The following LRSAM1 variants were observed in gnomAD, a reference collection of about 807,000 sequenced individuals.
The protein encoded by LRSAM1 is leucine rich repeat and sterile alpha motif containing 1.
Under a neutral mutation model 118.1 loss-of-function variants are expected in LRSAM1, and 96 were observed. The ratio of observed to expected loss-of-function variants is 0.81; its 90% CI spans 0.69 to 0.96. The LOEUF is 0.96. LRSAM1 is among the 40% of genes least tolerant of loss of function. The pLI, the probability that LRSAM1 is intolerant of heterozygous loss-of-function variation, is 0.00. For missense variants in LRSAM1, 804 were observed against 915.5 expected (o/e 0.88, Z 1.57); for synonymous variants, 322 against 364.2 (o/e 0.88, Z 1.32).
intron 11 of LRSAM1, among the ~76,000 whole-genome samples, 164 bp downstream of exon 11, chr9:127,474,095 C>G (rs1046212638): frequency 2.0e-5 from 3 of 152,136 alleles, no homozygotes; most frequent in African/African-American, 4.8e-5. Context: ...ACTGCTTTTT[C>G]AAGGCCTGCT....
intron 24 of LRSAM1, 143 bp from the exon 25 acceptor site, chr9:127,500,867 A>G: frequency 9.1e-7 from 1 of 1,093,218 alleles, no homozygotes; most frequent in Non-Finnish European, 1.4e-6. Context: ...TGGCAAGGAG[A>G]GCACTTCCCT....
intron 17 of LRSAM1, among the ~76,000 whole-genome samples, chr9:127,486,036 G>GT (rs1835717450): frequency 6.6e-6 from 1 of 152,256 alleles, no homozygotes; most frequent in South Asian, 2.1e-4. Context: ...TGTTAAAGTG[G>GT]TAACAGTCAT....
intron 2 of LRSAM1, chr9:127,454,019 G>A: frequency 3.7e-6 from 1 of 272,792 alleles, no homozygotes; most frequent in Non-Finnish European, 7.2e-6. Context: ...TCACTAGAAA[G>A]ACACAGCCCC....
chr9:127,497,131 G>C (rs1050275471), intron 23 of LRSAM1, 122 bp from the exon 24 acceptor site: 51 of 996,232 alleles, frequency 5.1e-5, no homozygotes, highest in Non-Finnish European at 6.2e-5. Context: ...GCCCCGGAAG[G>C]CTTCCACATT....
intron 16 of LRSAM1, among the ~76,000 whole-genome samples, chr9:127,484,068 A>G (rs2132075873): frequency 6.6e-6 from 1 of 152,182 alleles, no homozygotes; most frequent in South Asian, 2.1e-4. Context: ...TCCCTAGTAA[A>G]CACTAACTCC....
At chr9:127,499,574 T>C (rs867527383) in intron 24 of LRSAM1, among the ~76,000 whole-genome samples, 2 of 150,550 alleles carry the variant, frequency 1.3e-5, no homozygotes, top group Admixed American at 6.6e-5. Flanking sequence ...CCCCTCGAAA[T>C]GGTGGTTTGG....
At chr9:127,453,261 T>C (rs1337468020) in intron 2 of LRSAM1, among the ~76,000 whole-genome samples, 1 of 152,116 alleles carries the variant, frequency 6.6e-6, no homozygotes, top group African/African-American at 2.4e-5. Flanking sequence ...TGTGTATTTT[T>C]AGTAGAGACG....
In LRSAM1 at chr9:127,479,423, T is replaced by C. The variant is rs1160703093; in HGVS notation, c.821T>C (p.Leu274Pro). ...GAGAAACTCGAGTTTGAACGGCGCC[T>C]GGAACTGGGGCAGCGGGAGCACACC... ...MLEKLEFERR[L>P]ELGQREHTQL... Residue 274 changes from leucine (L) to proline (P), a missense_variant, in exon 13 of 26, where the codon CTG becomes CCG. Coordinates refer to ENST00000300417, the MANE Select transcript of LRSAM1 (RefSeq NM_001005373.4). 1 of 1,614,024 alleles carries C rather than the reference T, an allele frequency of 6.2e-7. No individual in the cohort carries two copies. The highest frequency in any genetic ancestry group is 1.3e-5 in the African/African-American group (1 of 74,912).
chr9:127,479,935 A>G lies in LRSAM1; in HGVS notation c.1000A>G (p.Asn334Asp). The change falls in exon 14 of 26, where the codon AAC (asparagine) becomes GAC (aspartate). Residue 334 changes from asparagine to aspartate, a missense_variant. Coordinates refer to ENST00000300417, the MANE Select transcript of LRSAM1 (RefSeq NM_001005373.4). ...LQEQLKQTEQ[N>D]ISSRIQKLLQ... is the part of the protein sequence containing the mutation. ...GGAGCAGCTGAAGCAGACGGAACAG[A>G]ACATTTCCAGCCGGATCCAGAAGCT... The G allele has an allele frequency of 1.2e-6, 2 of 1,614,164 alleles. No homozygotes were observed. Among genetic ancestry groups the G allele is most frequent in the Non-Finnish European group, 1.7e-6 (2 of 1,180,028 alleles).
chr9:127,479,702 TG>T, intron 13 of LRSAM1, 136 bp from the exon 14 acceptor site: 2 of 1,351,880 alleles, frequency 1.5e-6, no homozygotes, highest in Non-Finnish European at 2.0e-6. Context: ...TGTAGCCTAC[TG>T]GGAGGAGCTG....
intron 24 of LRSAM1, among the ~76,000 whole-genome samples, chr9:127,498,602 G>T (rs960749439): frequency 1.3e-5 from 2 of 152,236 alleles, no homozygotes; most frequent in Admixed American, 1.3e-4. Flanking sequence ...GTGGCCACAT[G>T]CAGAAAACGG....
chr9:127,500,387 T>G (rs977668978), intron 24 of LRSAM1, among the ~76,000 whole-genome samples: 5 of 131,412 alleles, frequency 3.8e-5, no homozygotes, highest in Non-Finnish European at 6.8e-5. Flanking sequence ...AGACTTAGCA[T>G]TTTGTAAGGG....
intron 10 of LRSAM1, among the ~76,000 whole-genome samples, chr9:127,468,414 C>G (rs1835038653): frequency 6.6e-6 from 1 of 152,152 alleles, no homozygotes; most frequent in South Asian, 2.1e-4. Context: ...AAACCCGGAG[C>G]CAGCACTGGC....
chr9:127,471,677 C>T (rs111988501), intron 10 of LRSAM1, among the ~76,000 whole-genome samples: 63,406 of 149,836 alleles, frequency 0.42, 14,521 homozygotes, highest in Non-Finnish European at 0.49. Context: ...ATCCCAGCTA[C>T]TCAGGAGGCT....
At chr9:127,495,930 C>T (rs769472497) in intron 22 of LRSAM1, 34 bp from the exon 23 acceptor site, 18 of 1,609,768 alleles carry the variant, frequency 1.1e-5, no homozygotes, top group Non-Finnish European at 1.4e-5. Context: ...TCTTTTCTTC[C>T]TTCCTGCTCA....
chr9:127,492,548 TG>T (rs1835968870), intron 20 of LRSAM1, among the ~76,000 whole-genome samples: 1 of 152,244 alleles, frequency 6.6e-6, no homozygotes, highest in African/African-American at 2.4e-5. Context: ...TCATTTCTTT[TG>T]TTTGATGTTT....
Position 127,479,507 on chromosome 9 carries a change from T to G in LRSAM1, c.903+2T>G. 6.2e-7 allele frequency: 1 copy of G among 1,613,096 alleles called. No homozygotes were observed. The highest frequency in any genetic ancestry group is 8.5e-7 in the Non-Finnish European group (1 of 1,179,760). ...GAGATCCTTCAGACGGTCAAGGAGG[T>G]TTGTGAGCCGCCTGCTAGGGTCCAG... On this transcript the variant is annotated splice_donor_variant, in intron 13 of 25. Coordinates refer to ENST00000300417, the MANE Select transcript of LRSAM1 (RefSeq NM_001005373.4). LOFTEE classifies it high-confidence loss of function.
intron 23 of LRSAM1, 53 bp from the exon 24 acceptor site, chr9:127,497,200 A>G: frequency 6.3e-7 from 1 of 1,590,954 alleles, no homozygotes; most frequent in Non-Finnish European, 8.6e-7. Flanking sequence ...GGCTCACACC[A>G]TTTAGCGGGC....
At chr9:127,460,192 G>T (rs918931555) in intron 7 of LRSAM1, among the ~76,000 whole-genome samples, 14 of 151,832 alleles carry the variant, frequency 9.2e-5, no homozygotes, top group African/African-American at 3.4e-4. Flanking sequence ...TAGAGACGGG[G>T]TTTCACCATG....
Sources: gnomAD v4.1 joint callset for allele counts (sites outside exome capture counted in the v4.1 genomes callset) on GRCh38, gnomAD v4.1.1 for gene constraint, MANE v1.5 for transcripts, NCBI Gene and HGNC (gene_info 2026-07-23, HGNC 2026-07-21) for gene names.